LINGO2: variants seen among roughly 807,000 people sequenced by gnomAD.
The protein encoded by LINGO2 is leucine rich repeat and Ig domain containing 2.
Under a neutral mutation model 30.6 loss-of-function variants are expected in LINGO2, and 14 were observed. That is an observed-to-expected ratio of 0.46 (90% CI 0.30 to 0.72). The LOEUF (loss-of-function observed/expected upper bound fraction) is 0.72, where lower values mean the gene tolerates loss of function less well. Among genes scored for constraint, LINGO2 ranks in the 30% least tolerant of loss-of-function variants. The pLI is 0.07. For synonymous variants in LINGO2, 317 were observed against 288.5 expected (o/e 1.10, Z -1.00); for missense variants, 729 against 751.7 (o/e 0.97, Z 0.35).
chr9:28,684,468 C>G, the LINGO2 span, among the ~76,000 whole-genome samples: 1 of 149,628 alleles, frequency 6.7e-6, no homozygotes, highest in African/African-American at 2.5e-5. Context: ...GGATTACAGG[C>G]GTGAGCCACC....
At chr9:28,303,916 G>C (rs1210724501) in intron 3 of LINGO2, among the ~76,000 whole-genome samples, 2 of 152,034 alleles carry the variant, frequency 1.3e-5, no homozygotes, top group Non-Finnish European at 2.9e-5. Flanking sequence ...CCACATGTAA[G>C]TGGACACAAG....
chr9:28,061,347 C>T (rs1196443382), intron 4 of LINGO2, among the ~76,000 whole-genome samples: 3 of 151,536 alleles, frequency 2.0e-5, no homozygotes, highest in Non-Finnish European at 4.4e-5. Flanking sequence ...TTTACCACCA[C>T]ACAATATACC....
chr9:28,920,351 A>G, the LINGO2 span, among the ~76,000 whole-genome samples: 2 of 151,990 alleles, frequency 1.3e-5, no homozygotes, highest in Non-Finnish European at 2.9e-5. Context: ...TGCTATTAAT[A>G]TAACTGGATT....
intron 5 of LINGO2, among the ~76,000 whole-genome samples, chr9:28,006,911 G>A (rs1822294584): frequency 8.3e-6 from 1 of 120,240 alleles, no homozygotes; most frequent in Non-Finnish European, 1.9e-5. Flanking sequence ...CATATACTGA[G>A]CTAGTCTAAT....
chr9:28,923,884 A>G, the LINGO2 span, among the ~76,000 whole-genome samples: 1 of 152,202 alleles, frequency 6.6e-6, no homozygotes. Context: ...ACACTTGGCA[A>G]TATCCAACGA....
intron 4 of LINGO2, among the ~76,000 whole-genome samples, chr9:28,280,194 T>A (rs1011115465): frequency 3.3e-5 from 5 of 152,120 alleles, no homozygotes; most frequent in African/African-American, 1.2e-4. Context: ...AAATTACATT[T>A]ATGAATTCAG....
the LINGO2 span, among the ~76,000 whole-genome samples, chr9:28,709,809 A>G: frequency 6.6e-6 from 1 of 151,952 alleles, no homozygotes; most frequent in South Asian, 2.1e-4. Context: ...ATGATTCTCA[A>G]TATGATTGAT....
the LINGO2 span, among the ~76,000 whole-genome samples, chr9:28,790,693 TA>T: frequency 6.6e-6 from 1 of 152,190 alleles, no homozygotes; most frequent in Admixed American, 6.5e-5. Context: ...GAAGAGTGAA[TA>T]CAGTGAATTT....
intron 5 of LINGO2, among the ~76,000 whole-genome samples, chr9:27,996,748 G>T (rs1020064482): frequency 6.6e-6 from 1 of 152,174 alleles, no homozygotes; most frequent in African/African-American, 2.4e-5. Flanking sequence ...AAAATAGCTA[G>T]AAGATTTGCA....
chr9:28,761,350 C>T, the LINGO2 span, among the ~76,000 whole-genome samples: 3 of 151,888 alleles, frequency 2.0e-5, no homozygotes, highest in East Asian at 5.8e-4. Context: ...TGAATAAGAG[C>T]TATTGAGCAC....
chr9:28,638,679 T>C (rs1387609539), intron 1 of LINGO2, among the ~76,000 whole-genome samples: 1 of 152,134 alleles, frequency 6.6e-6, no homozygotes, highest in African/African-American at 2.4e-5. Flanking sequence ...CCTTTATCAT[T>C]TCTTATTGCA....
chr9:29,055,400 A>T, the LINGO2 span, among the ~76,000 whole-genome samples: 1 of 152,326 alleles, frequency 6.6e-6, no homozygotes, highest in South Asian at 2.1e-4. Flanking sequence ...ATTAAGGCTG[A>T]ATAATATTCC....
chr9:29,070,551 G>C, the LINGO2 span, among the ~76,000 whole-genome samples: 2 of 152,084 alleles, frequency 1.3e-5, no homozygotes, highest in African/African-American at 4.8e-5. Flanking sequence ...GTAGGTTGAA[G>C]CCTGACAGAA....
In LINGO2 at chr9:28,031,341, A is replaced by C. The variant is rs191749377; in HGVS notation, c.-86-18936T>G. Among the ~76,000 whole-genome samples the C allele has an allele frequency of 3.1e-3, 474 of 150,828 alleles. 2 individuals are homozygous for C. Among genetic ancestry groups the C allele is most frequent in the Non-Finnish European group, 5.4e-3 (366 of 67,886 alleles). On this transcript the variant is annotated intron_variant, in intron 4 of 5. Transcript: ENST00000379992. ...AGTCTCTTTATACCCACTTCAGTAG[A>C]AAAACAGGATGGTTTTTTTTTTTTT... is the stretch of plus-strand genomic sequence containing the variant.
At chr9:28,217,003 CT>C (rs1820790705) in intron 4 of LINGO2, among the ~76,000 whole-genome samples, 1 of 151,572 alleles carries the variant, frequency 6.6e-6, no homozygotes. Flanking sequence ...CTGTAATGCC[CT>C]TGTTTTGCAT....
chr9:28,630,749 C>A (rs866979360), intron 1 of LINGO2, among the ~76,000 whole-genome samples: 2 of 152,166 alleles, frequency 1.3e-5, no homozygotes, highest in Admixed American at 1.3e-4. Context: ...CAAAATTCAA[C>A]CTTACATAAT....
chr9:28,268,712 G>C (rs747292503), intron 4 of LINGO2, among the ~76,000 whole-genome samples: 34 of 152,032 alleles, frequency 2.2e-4, no homozygotes, highest in Non-Finnish European at 4.3e-4. Flanking sequence ...AAAAGTACAT[G>C]AGGTCAGGAC....
the LINGO2 span, among the ~76,000 whole-genome samples, chr9:28,963,088 A>G: frequency 6.6e-6 from 1 of 152,006 alleles, no homozygotes; most frequent in Admixed American, 6.6e-5. Flanking sequence ...AAAAGGGGAA[A>G]GTGAAACTGA....
chr9:28,823,134 T>C, the LINGO2 span, among the ~76,000 whole-genome samples: 1 of 152,152 alleles, frequency 6.6e-6, no homozygotes, highest in South Asian at 2.1e-4. Flanking sequence ...ATCAGGTCCA[T>C]TTGGCTCTAT....
Sources: allele counts gnomAD v4.1 joint callset (sites outside exome capture counted in the v4.1 genomes callset), GRCh38; gene constraint gnomAD v4.1.1; transcripts MANE v1.5; gene names NCBI Gene and HGNC (gene_info 2026-07-23, HGNC 2026-07-21).